The following MAS1L variants were observed in gnomAD, a reference collection of about 807,000 sequenced individuals.
MAS1L encodes mas-related G protein-coupled receptor MRG.
For missense variants in MAS1L, 441 were observed against 460.1 expected (o/e 0.96, Z 0.38); for synonymous variants, 160 against 182.9 (o/e 0.87, Z 1.01).
rs747159016 is a variant in MAS1L at position 29,487,508 on chromosome 6, T to C, written c.395A>G (p.Gln132Arg). The C allele has an allele frequency of 1.9e-6, 3 of 1,614,152 alleles. No individual in the cohort carries two copies. The highest frequency in any genetic ancestry group is 2.5e-6 in the Non-Finnish European group (3 of 1,180,024). ...YLCCSAVGFL[Q>R]VTLLTYHGVV... ...TCCATGATAAGTTAGCAGAGTCACC[T>C]GTAAGAACCCCACTGCCGAGCAGCA... Residue 132 changes from glutamine to arginine, a missense_variant, in exon 1 of 1, where the codon CAG (glutamine) becomes CGG (arginine). By Grantham distance (43) the Gln-to-Arg change is conservative. Transcript: ENST00000377127.
In MAS1L at chr6:29,487,288, G is replaced by A. The variant is rs1789355920; in HGVS notation, c.615C>T (p.Asn205=). ...TLIWGLPFCI[N]IVKSLFLTYW... is the part of the protein sequence containing the mutation. ...AAGTTAGGAAAAGTGATTTTACTAT[G>A]TTGATGCAAAAAGGCAGGCCCCAGA... is the stretch of plus-strand genomic sequence containing the variant. Residue 205 remains asparagine, a synonymous_variant, in exon 1 of 1, where the codon AAC becomes AAT. Coordinates refer to ENST00000377127, the MANE Select transcript of MAS1L (RefSeq NM_052967.2). The A allele has an allele frequency of 6.2e-7, 1 of 1,614,144 alleles. No individual in the cohort carries two copies. The highest frequency in any genetic ancestry group is 8.5e-7 in the Non-Finnish European group (1 of 1,180,028).
At position 29,486,746 on chromosome 6, in the gene MAS1L, C is replaced by T. The variant is rs188827339; in HGVS notation, c.*20G>A. On this transcript the variant is annotated 3_prime_UTR_variant, in exon 1 of 1. Coordinates refer to ENST00000377127, the MANE Select transcript of MAS1L (RefSeq NM_052967.2). The stretch of plus-strand genomic sequence containing the variant: ...GGCTGGGTTACTATGTGTACAATTC[C>T]CCAGCTCAGATGTGGGAAATTATGT... 2.4e-5 allele frequency: 39 copies of T among 1,595,128 alleles called. No individual in the cohort carries two copies. The African/African-American group carries it at 4.4e-4, about 18-fold the overall frequency.
chr6:29,487,574 A>C lies in MAS1L; in HGVS notation c.329T>G (p.Val110Gly), dbSNP rs368696105. The C allele has an allele frequency of 6.2e-7, 1 of 1,614,094 alleles. No individual in the cohort carries two copies. Among genetic ancestry groups the C allele is most frequent in the Non-Finnish European group, 8.5e-7 (1 of 1,180,044 alleles). ...AGCAGCGACCAGGTGGAGGATGTATACCATGTAGGGATTCGTGGCCCCACA... is the reference window on the plus strand; with the variant it reads ...AGCAGCGACCAGGTGGAGGATGTATCCCATGTAGGGATTCGTGGCCCCACA... ...LCCGATNPYMVYILHLVAADV... is the reference protein window; with the variant it reads ...LCCGATNPYMGYILHLVAADV... The change falls in exon 1 of 1, where the codon GTA (valine) becomes GGA (glycine). Residue 110 changes from valine to glycine, a missense_variant. Physicochemically the swap from Val to Gly is moderately radical, Grantham distance 109. Coordinates refer to ENST00000377127, the MANE Select transcript of MAS1L (RefSeq NM_052967.2).
rs574752980 is a variant in MAS1L, at chr6:29,487,096, C to T, written c.807G>A (p.Ser269=). 8.7e-6 allele frequency: 14 copies of T among 1,613,928 alleles called. No individual in the cohort carries two copies. Among genetic ancestry groups the T allele is most frequent in the South Asian group, 2.2e-5 (2 of 91,084 alleles). ...ATRVYAVVQI[S]APMFLLWALP... ...GGGCCCAGAGTAGGAACATGGGGGC[C>T]GAGATCTGCACCACCGCATAGACCC... Residue 269 remains serine (S), a synonymous_variant, in exon 1 of 1, where the codon TCG becomes TCA. Transcript: ENST00000377127.
At position 29,487,294 on chromosome 6, in the gene MAS1L, G is replaced by C; in HGVS notation, c.609C>G (p.Cys203Trp). 6.2e-7 allele frequency: 1 copy of C among 1,614,106 alleles called. No individual in the cohort carries two copies. The highest frequency in any genetic ancestry group is 1.3e-5 in the African/African-American group (1 of 75,030). The change falls in exon 1 of 1, where the codon TGC becomes TGG. Residue 203 changes from cysteine (C) to tryptophan (W), a missense_variant. By Grantham distance (215) the Cys-to-Trp change is radical. Transcript: ENST00000377127. Reference sequence around the variant, plus strand: ...GGAAAAGTGATTTTACTATGTTGATGCAAAAAGGCAGGCCCCAGATGAGGG... The same window carrying C: ...GGAAAAGTGATTTTACTATGTTGATCCAAAAAGGCAGGCCCCAGATGAGGG... ...VCTLIWGLPF[C>W]INIVKSLFLT...
the MAS1L span, chr6:29,486,902 TG>T: frequency 1.2e-6 from 2 of 1,614,224 alleles, no homozygotes; most frequent in Non-Finnish European, 1.7e-6. Context: ...TAACGCCCGT[TG>T]GAGAATCACT....
Position 29,486,956 on chromosome 6 carries a change from A to G in MAS1L, c.947T>C (p.Phe316Ser), listed in dbSNP as rs1345061005. The G allele has an allele frequency of 4.3e-6, 7 of 1,614,144 alleles. No homozygotes were observed. ...CCTTTTCTTTCTGAGGCTCCCCACAAAGAAATAAATGATAGGGTTGGCGCT... is the reference window on the plus strand; with the variant it reads ...CCTTTTCTTTCTGAGGCTCCCCACAGAGAAATAAATGATAGGGTTGGCGCT... Reference protein sequence around the residue: ...NSSANPIIYFFVGSLRKKRLK... With the variant: ...NSSANPIIYFSVGSLRKKRLK... The change falls in exon 1 of 1, where the codon TTT (phenylalanine) becomes TCT (serine). Residue 316 changes from phenylalanine to serine, a missense_variant. Coordinates refer to ENST00000377127, the MANE Select transcript of MAS1L (RefSeq NM_052967.2).
rs1789350692 is a variant in MAS1L, at chr6:29,487,236, T to C, written c.667A>G (p.Ile223Val). 5.0e-6 allele frequency: 8 copies of C among 1,614,152 alleles called. No homozygotes were observed. Among genetic ancestry groups the C allele is most frequent in the Non-Finnish European group, 6.8e-6 (8 of 1,180,024 alleles). ...TYWKHVKACV[I>V]FLKLSGLFHA... Reference sequence around the variant, plus strand: ...AAGAGCCCAGAAAGCTTTAGAAATATGACACATGCCTTTACATGTTTCCAG... The same window carrying C: ...AAGAGCCCAGAAAGCTTTAGAAATACGACACATGCCTTTACATGTTTCCAG... The change falls in exon 1 of 1, where the codon ATA (isoleucine) becomes GTA (valine). Residue 223 changes from isoleucine (I) to valine (V), a missense_variant. Transcript: ENST00000377127.
rs1173048982 is a variant in MAS1L at position 29,486,843 on chromosome 6, G to A, written c.1060C>T (p.Pro354Ser). ...GRNKKAAGID[P>S]MEQPHSTQHV... is the part of the protein sequence containing the mutation. ...TGAGTAGAGTGTGGTTGCTCCATTG[G>A]GTCGATGCCAGCTGCCTTTTTGTTC... Residue 354 changes from proline to serine, a missense_variant, in exon 1 of 1, where the codon CCA (proline) becomes TCA (serine). Pro to Ser is a moderately conservative substitution (Grantham distance 74). Transcript: ENST00000377127. 1 of 1,614,098 alleles carries A rather than the reference G, an allele frequency of 6.2e-7. No individual in the cohort carries two copies. The highest frequency in any genetic ancestry group is 1.1e-5 in the South Asian group (1 of 91,078).
rs1462874507 is a variant in MAS1L, at chr6:29,487,650, C to A, written c.253G>T (p.Val85Phe). 1 of 1,614,094 alleles carries A rather than the reference C, an allele frequency of 6.2e-7. No individual in the cohort carries two copies. The highest frequency in any genetic ancestry group is 1.7e-5 in the Admixed American group (1 of 60,010). Reference protein sequence around the residue: ...LNIIAPKAVLVSLCGVLLNGT... With the variant: ...LNIIAPKAVLFSLCGVLLNGT... ...TTCAATAAGACCCCACAGAGGGAGA[C>A]CAGCACAGCCTTGGGGGCAATGATA... The change falls in exon 1 of 1, where the codon GTC becomes TTC. Residue 85 changes from valine to phenylalanine, a missense_variant. Coordinates refer to ENST00000377127, the MANE Select transcript of MAS1L (RefSeq NM_052967.2).
In MAS1L at chr6:29,487,592, G is replaced by A; in HGVS notation, c.311C>T (p.Ala104Val). 1.9e-6 allele frequency: 3 copies of A among 1,614,162 alleles called. No homozygotes were observed. Among genetic ancestry groups the A allele is most frequent in the Non-Finnish European group, 2.5e-6 (3 of 1,180,030 alleles). ...GTVFWLLCCG[A>V]TNPYMVYILH... ...GATGTATACCATGTAGGGATTCGTGGCCCCACAGCAAAGCAGCCAGAAGAC... is the reference window on the plus strand; with the variant it reads ...GATGTATACCATGTAGGGATTCGTGACCCCACAGCAAAGCAGCCAGAAGAC... The change falls in exon 1 of 1, where the codon GCC becomes GTC. Residue 104 changes from alanine to valine, a missense_variant. Transcript: ENST00000377127.
chr6:29,487,341 A>T lies in MAS1L; in HGVS notation c.562T>A (p.Tyr188Asn), dbSNP rs1789364119. Residue 188 changes from tyrosine to asparagine, a missense_variant, in exon 1 of 1, where the codon TAC becomes AAC. By Grantham distance (143) the Tyr-to-Asn change is moderately radical. Transcript: ENST00000377127. ...AGGGTGCAGACAACATTAGATGTGT[A>T]TTTTGGGCGGTGGCATCTGTACCAG... ...PIWYRCHRPK[Y>N]TSNVVCTLIW... is the part of the protein sequence containing the mutation. 2 of 1,613,936 alleles carry T rather than the reference A, an allele frequency of 1.2e-6. No individual in the cohort carries two copies. Among genetic ancestry groups the T allele is most frequent in the African/African-American group, 2.7e-5 (2 of 74,940 alleles).
chr6:29,487,926 C>A lies in MAS1L; in HGVS notation c.-24G>T. On this transcript the variant is annotated 5_prime_UTR_variant, in exon 1 of 1. Coordinates refer to ENST00000377127, the MANE Select transcript of MAS1L (RefSeq NM_052967.2). ...ATGGGGTGCTGGGACCTGAGTGGGC[C>A]ACAACATCACAGTCAGGAGCAGTGG... 3 of 1,584,200 alleles carry A rather than the reference C, an allele frequency of 1.9e-6. No homozygotes were observed. The highest frequency in any genetic ancestry group is 2.6e-6 in the Non-Finnish European group (3 of 1,167,894).
chr6:29,487,109 A>G lies in MAS1L; in HGVS notation c.794T>C (p.Val265Ala), dbSNP rs752164290. The G allele has an allele frequency of 1.2e-6, 2 of 1,614,088 alleles. No individual in the cohort carries two copies. The highest frequency in any genetic ancestry group is 2.2e-5 in the South Asian group (2 of 91,080). ...QQQKATRVYA[V>A]VQISAPMFLL... ...GAACATGGGGGCCGAGATCTGCACC[A>G]CCGCATAGACCCTGGTGGCCTTTTG... Residue 265 changes from valine (V) to alanine (A), a missense_variant, in exon 1 of 1, where the codon GTG (valine) becomes GCG (alanine). Transcript: ENST00000377127.
In MAS1L at chr6:29,487,178, G is replaced by C. The variant is rs900352016; in HGVS notation, c.725C>G (p.Ser242Trp). Reference sequence around the variant, plus strand: ...GAATCTAATGAGTAGAGTCAGACTCGACACACACATCACAAGTGAAAGGAT... The same window carrying C: ...GAATCTAATGAGTAGAGTCAGACTCCACACACACATCACAAGTGAAAGGAT... ...HAILSLVMCV[S>W]SLTLLIRFLC... Residue 242 changes from serine (S) to tryptophan (W), a missense_variant, in exon 1 of 1, where the codon TCG becomes TGG. By Grantham distance (177) the Ser-to-Trp change is radical (BLOSUM62 -3). Transcript: ENST00000377127. 3 of 1,614,054 alleles carry C rather than the reference G, an allele frequency of 1.9e-6. No individual in the cohort carries two copies. Among genetic ancestry groups the C allele is most frequent in the Middle Eastern group, 1.6e-4 (1 of 6,062 alleles).
rs775337929 is a variant in MAS1L, at chr6:29,487,334, G to A, written c.569C>T (p.Ser190Phe). ...CCAGATGAGGGTGCAGACAACATTA[G>A]ATGTGTATTTTGGGCGGTGGCATCT... ...WYRCHRPKYT[S>F]NVVCTLIWGL... Residue 190 changes from serine to phenylalanine, a missense_variant, in exon 1 of 1, where the codon TCT becomes TTT. By Grantham distance (155) the Ser-to-Phe change is radical. Transcript: ENST00000377127. 2.5e-6 allele frequency: 4 copies of A among 1,613,974 alleles called. No homozygotes were observed. Among genetic ancestry groups the A allele is most frequent in the Non-Finnish European group, 3.4e-6 (4 of 1,180,054 alleles).
chr6:29,487,632 A>G lies in MAS1L; in HGVS notation c.271T>C (p.Leu91=), dbSNP rs1397042125. The change falls in exon 1 of 1, where the codon TTA becomes CTA. Residue 91 remains leucine, a synonymous_variant. Transcript: ENST00000377127. ...KAVLVSLCGV[L]LNGTVFWLLC... is the part of the protein sequence containing the mutation. ...AGCCAGAAGACAGTGCCATTCAATAAGACCCCACAGAGGGAGACCAGCACA... is the reference window on the plus strand; with the variant it reads ...AGCCAGAAGACAGTGCCATTCAATAGGACCCCACAGAGGGAGACCAGCACA... 1 of 1,614,236 alleles carries G rather than the reference A, an allele frequency of 6.2e-7. No homozygotes were observed. The highest frequency in any genetic ancestry group is 2.2e-5 in the East Asian group (1 of 44,880).
Position 29,487,669 on chromosome 6 carries a change from A to C in MAS1L, c.234T>G (p.Ile78Met). 1 of 1,614,222 alleles carries C rather than the reference A, an allele frequency of 6.2e-7. No homozygotes were observed. Among genetic ancestry groups the C allele is most frequent in the Non-Finnish European group, 8.5e-7 (1 of 1,180,040 alleles). ...GGGAGACCAGCACAGCCTTGGGGGC[A>C]ATGATATTCAAGGGCAGGGCCTGCT... is the stretch of plus-strand genomic sequence containing the variant. Reference protein sequence around the residue: ...VGQQALPLNIIAPKAVLVSLC... With the variant: ...VGQQALPLNIMAPKAVLVSLC... The change falls in exon 1 of 1, where the codon ATT (isoleucine) becomes ATG (methionine). Residue 78 changes from isoleucine (I) to methionine (M), a missense_variant. Physicochemically the swap from Ile to Met is conservative, Grantham distance 10 (BLOSUM62 1). Transcript: ENST00000377127.
Position 29,487,909 on chromosome 6 carries a change from C to T in MAS1L, c.-7G>A. 6.2e-7 allele frequency: 1 copy of T among 1,600,792 alleles called. No homozygotes were observed. ...AAATTTTCCCCCAGACCATGGGGTG[C>T]TGGGACCTGAGTGGGCCACAACATC... On this transcript the variant is annotated 5_prime_UTR_variant, in exon 1 of 1. Transcript: ENST00000377127.
Sources: gnomAD v4.1 joint callset for allele counts on GRCh38, gnomAD v4.1.1 for gene constraint, MANE v1.5 for transcripts, NCBI Gene and HGNC (gene_info 2026-07-23, HGNC 2026-07-21) for gene names.